SHISA9: variants seen among roughly 807,000 people sequenced by gnomAD.
The protein encoded by SHISA9 is shisa family member 9.
Under a neutral mutation model 38.0 loss-of-function variants are expected in SHISA9, and 13 were observed. The observed-to-expected ratio is 0.34, with a 90% CI of 0.22 to 0.54. SHISA9 has a LOEUF of 0.54. Among genes scored for constraint, SHISA9 ranks in the 20% least tolerant of loss-of-function variants. The pLI is 0.91. For synonymous variants in SHISA9, 275 were observed against 242.0 expected (o/e 1.14, Z -1.27); for missense variants, 538 against 575.8 (o/e 0.93, Z 0.67).
intron 2 of SHISA9, among the ~76,000 whole-genome samples, chr16:12,970,365 A>G (rs1472307273): frequency 7.3e-5 from 7 of 96,338 alleles, no homozygotes; most frequent in Admixed American, 1.3e-4. Flanking sequence ...ATATATATAT[A>G]TATACATATA....
chr16:12,931,885 C>A (rs986799482), intron 2 of SHISA9, among the ~76,000 whole-genome samples: 2 of 152,170 alleles, frequency 1.3e-5, no homozygotes, highest in African/African-American at 2.4e-5. Context: ...GCTGTGTCCC[C>A]ACCCAAATCT....
the SHISA9 span, among the ~76,000 whole-genome samples, chr16:13,560,776 A>G: frequency 6.6e-6 from 1 of 151,820 alleles, no homozygotes; most frequent in South Asian, 2.1e-4. Context: ...AAAAAGCAGA[A>G]AGGAGAAGAG....
chr16:13,536,388 C>G, the SHISA9 span, among the ~76,000 whole-genome samples: 1 of 152,180 alleles, frequency 6.6e-6, no homozygotes, highest in African/African-American at 2.4e-5. Flanking sequence ...CTGCAGCATC[C>G]TCTCCTCCCC....
At chr16:13,554,021 A>T in the SHISA9 span, among the ~76,000 whole-genome samples, 1 of 152,284 alleles carries the variant, frequency 6.6e-6, no homozygotes, top group East Asian at 1.9e-4. Flanking sequence ...GACCACAACT[A>T]TGAGTGTTCT....
At chr16:13,117,367 T>G (rs1364041980) in intron 2 of SHISA9, among the ~76,000 whole-genome samples, 1 of 152,196 alleles carries the variant, frequency 6.6e-6, no homozygotes, top group African/African-American at 2.4e-5. Flanking sequence ...GACGTGTGTT[T>G]GGATACCTGC....
the SHISA9 span, among the ~76,000 whole-genome samples, chr16:13,289,662 T>TAG: frequency 6.7e-6 from 1 of 149,728 alleles, no homozygotes; most frequent in Non-Finnish European, 1.5e-5. Flanking sequence ...GAGCAAGAGC[T>TAG]AGAGAGAGAG....
chr16:13,422,974 A>G, the SHISA9 span, among the ~76,000 whole-genome samples: 1 of 152,224 alleles, frequency 6.6e-6, no homozygotes, highest in Non-Finnish European at 1.5e-5. Flanking sequence ...CCTGGACTCA[A>G]AGTTACAGAA....
At chr16:13,329,885 G>T in the SHISA9 span, among the ~76,000 whole-genome samples, 1 of 152,338 alleles carries the variant, frequency 6.6e-6, no homozygotes, top group South Asian at 2.1e-4. Context: ...CTTAAGGATA[G>T]TTTTAGCTCT....
intron 1 of SHISA9, among the ~76,000 whole-genome samples, chr16:12,913,891 T>C (rs2141718026): frequency 6.6e-6 from 1 of 152,264 alleles, no homozygotes. Context: ...GTAACACATC[T>C]CGTGTGTCCA....
chr16:13,306,450 A>G, the SHISA9 span, among the ~76,000 whole-genome samples: 1 of 152,156 alleles, frequency 6.6e-6, no homozygotes, highest in Admixed American at 6.6e-5. Context: ...AGAGAGGGAG[A>G]GAGAAAGAGA....
At chr16:13,137,179 A>C (rs1405468868) in intron 2 of SHISA9, among the ~76,000 whole-genome samples, 1 of 152,134 alleles carries the variant, frequency 6.6e-6, no homozygotes, top group African/African-American at 2.4e-5. Flanking sequence ...ATCTGGCCAG[A>C]TGGAGTTGGA....
At chr16:13,368,925 G>T in the SHISA9 span, among the ~76,000 whole-genome samples, 2 of 152,036 alleles carry the variant, frequency 1.3e-5, no homozygotes, top group African/African-American at 4.8e-5. Context: ...GTTTTTTCCT[G>T]GTAAGGATGA....
the SHISA9 span, among the ~76,000 whole-genome samples, chr16:13,356,128 C>G: frequency 1.0e-3 from 158 of 152,284 alleles, 1 homozygote; most frequent in African/African-American, 3.6e-3. Context: ...TGGGGTTTGT[C>G]TCACAGTGGA....
chr16:13,207,613 A>G (rs1210120863), intron 3 of SHISA9, among the ~76,000 whole-genome samples: 2 of 151,962 alleles, frequency 1.3e-5, no homozygotes, highest in Non-Finnish European at 2.9e-5. Context: ...TTTTCTGACC[A>G]CTGTGAGAGT....
At chr16:12,929,915 G>T (rs1051844088) in intron 2 of SHISA9, among the ~76,000 whole-genome samples, 1 of 152,078 alleles carries the variant, frequency 6.6e-6, no homozygotes, top group African/African-American at 2.4e-5. Flanking sequence ...TGCAATGCTG[G>T]CTCCTTCTCA....
chr16:13,229,905 C>G (rs893248698), intron 4 of SHISA9, among the ~76,000 whole-genome samples: 1 of 152,166 alleles, frequency 6.6e-6, no homozygotes, highest in Admixed American at 6.5e-5. Flanking sequence ...AGCTCAGACA[C>G]CTGGTTCTTA....
At chr16:13,430,549 C>G in the SHISA9 span, among the ~76,000 whole-genome samples, 2 of 152,088 alleles carry the variant, frequency 1.3e-5, no homozygotes, top group East Asian at 3.9e-4. Flanking sequence ...GTCTGCTCGA[C>G]ATTACATCTG....
At chr16:13,284,646 C>T in the SHISA9 span, among the ~76,000 whole-genome samples, 4 of 152,122 alleles carry the variant, frequency 2.6e-5, no homozygotes, top group Admixed American at 6.6e-5. Context: ...CACCCAGGCT[C>T]GAATGCAGCA....
the SHISA9 span, among the ~76,000 whole-genome samples, chr16:13,435,757 G>A: frequency 1.3e-5 from 2 of 152,198 alleles, no homozygotes; most frequent in African/African-American, 4.8e-5. Context: ...TGTGCTGGGA[G>A]ACAGAAGAAC....
Sources: allele counts gnomAD v4.1 joint callset (sites outside exome capture counted in the v4.1 genomes callset), GRCh38; gene constraint gnomAD v4.1.1; transcripts MANE v1.5; gene names NCBI Gene and HGNC (gene_info 2026-07-23, HGNC 2026-07-21).